Variants in FOCAD observed in about 807,000 individuals in gnomAD.
FOCAD encodes KIAA1797.
Under a neutral mutation model 225.6 loss-of-function variants are expected in FOCAD, and 198 were observed. The observed-to-expected ratio is 0.88, with a 90% CI of 0.78 to 0.99. The LOEUF is 0.99. Among genes scored for constraint, FOCAD ranks in the 50% least tolerant of loss-of-function variants. The probability of loss-of-function intolerance (pLI) is 0.00; values close to 1 mark genes in which losing one functional copy is unlikely to be tolerated. For synonymous variants in FOCAD, 897 were observed against 755.0 expected (o/e 1.19, Z -3.08); for missense variants, 2,713 against 2,123.6 (o/e 1.28, Z -5.46).
chr9:20,773,100 T>C (rs1204968818), intron 8 of FOCAD, among the ~76,000 whole-genome samples: 1 of 152,154 alleles, frequency 6.6e-6, no homozygotes, highest in African/African-American at 2.4e-5. Flanking sequence ...AAAACCCATA[T>C]TTTTCCTGGG....
At chr9:20,898,906 A>T (rs377402861) in intron 21 of FOCAD, among the ~76,000 whole-genome samples, 2 of 151,866 alleles carry the variant, frequency 1.3e-5, no homozygotes, top group African/African-American at 4.8e-5. Context: ...TTAGGTCTCA[A>T]TCTCATAGTG....
chr9:20,772,740 T>C (rs1818361815), intron 8 of FOCAD, among the ~76,000 whole-genome samples: 1 of 151,864 alleles, frequency 6.6e-6, no homozygotes, highest in African/African-American at 2.4e-5. Context: ...AGAGAGTAAA[T>C]GTAGATTTTG....
intron 11 of FOCAD, among the ~76,000 whole-genome samples, chr9:20,799,676 C>G (rs1564005944): frequency 6.6e-6 from 1 of 151,856 alleles, no homozygotes; most frequent in African/African-American, 2.4e-5. Context: ...CAACCCCTGC[C>G]TTTTTTTGTT....
chr9:20,825,144 T>TAC (rs1206222943), intron 15 of FOCAD, among the ~76,000 whole-genome samples: 1 of 121,626 alleles, frequency 8.2e-6, no homozygotes, highest in Non-Finnish European at 1.7e-5. Context: ...TTTCAAGCTT[T>TAC]GCGTGTGTGT....
At chr9:20,753,214 G>T (rs935800540) in intron 5 of FOCAD, among the ~76,000 whole-genome samples, 13 of 151,480 alleles carry the variant, frequency 8.6e-5, no homozygotes, top group Non-Finnish European at 1.9e-4. Context: ...GGAGTGGTGA[G>T]AGAGGGCATC....
chr9:20,868,465 A>C (rs867592721), intron 18 of FOCAD, among the ~76,000 whole-genome samples: 2 of 152,084 alleles, frequency 1.3e-5, no homozygotes, highest in East Asian at 3.9e-4. Flanking sequence ...TCAATTTCCA[A>C]TTATGTTTGC....
At chr9:20,666,785 G>A (rs1011278377) in intron 2 of FOCAD, among the ~76,000 whole-genome samples, 6 of 152,138 alleles carry the variant, frequency 3.9e-5, no homozygotes, top group African/African-American at 9.7e-5. Context: ...AGGTGTCTGC[G>A]AAGAGTTTGA....
chr9:20,952,604 G>A (rs962812735), intron 34 of FOCAD: 3 of 255,866 alleles, frequency 1.2e-5, no homozygotes, highest in African/African-American at 7.1e-5. Flanking sequence ...ACCTACTACA[G>A]TGGTCTCAGC....
At chr9:20,821,341 T>A (rs2131421683) in intron 14 of FOCAD, among the ~76,000 whole-genome samples, 1 of 152,148 alleles carries the variant, frequency 6.6e-6, no homozygotes, top group East Asian at 1.9e-4. Context: ...CAGTAAAACA[T>A]GTGATGTTAT....
intron 22 of FOCAD, among the ~76,000 whole-genome samples, chr9:20,910,380 T>C (rs1833342069): frequency 6.6e-6 from 1 of 152,132 alleles, no homozygotes; most frequent in South Asian, 2.1e-4. Context: ...ACATTTTTCA[T>C]GAATTGGCCA....
At chr9:20,757,008 C>A (rs1829114239) in intron 5 of FOCAD, among the ~76,000 whole-genome samples, 1 of 152,170 alleles carries the variant, frequency 6.6e-6, no homozygotes, top group Non-Finnish European at 1.5e-5. Flanking sequence ...CAGTTCACCG[C>A]AACCTCCGCC....
rs777575367 is a variant in FOCAD at position 20,770,139 on chromosome 9, T to G, written c.807T>G (p.Ser269Arg). ...VFWKIQLTQM[S>R]LQLLCVSEVS... ...GGAAAATTCAGCTTACCCAGATGAG[T>G]CTTCAGCTGCTGTGTGTCAGTGAAG... The change falls in exon 8 of 44, where the codon AGT (serine) becomes AGG (arginine). Residue 269 changes from serine (S) to arginine (R), a missense_variant. Coordinates refer to ENST00000338382, the MANE Select transcript of FOCAD (RefSeq NM_001375567.1). The G allele has an allele frequency of 4.0e-5, 64 of 1,613,894 alleles. No individual in the cohort carries two copies. The highest frequency in any genetic ancestry group is 5.3e-5 in the Non-Finnish European group (62 of 1,179,960).
chr9:20,764,405 C>T (rs1489300528), intron 6 of FOCAD, among the ~76,000 whole-genome samples: 4 of 152,144 alleles, frequency 2.6e-5, no homozygotes, highest in Non-Finnish European at 5.9e-5. Context: ...AGGTGCATGC[C>T]ACCACGCCCA....
At chr9:20,858,409 T>G (rs1161155012) in intron 15 of FOCAD, among the ~76,000 whole-genome samples, 1 of 152,164 alleles carries the variant, frequency 6.6e-6, no homozygotes, top group Non-Finnish European at 1.5e-5. Context: ...AATGATCCTT[T>G]GAATTTTTGT....
intron 28 of FOCAD, 39 bp downstream of exon 28, chr9:20,933,142 C>T: frequency 5.7e-6 from 8 of 1,397,196 alleles, no homozygotes; most frequent in Non-Finnish European, 7.1e-6. Flanking sequence ...GGTACTTAGA[C>T]ATTGCTCCCT....
At position 20,770,229 on chromosome 9, in the gene FOCAD, TCTG is replaced by T. The variant is rs1818061814; in HGVS notation, c.898_900del (p.Leu300del). On this transcript the variant is annotated inframe_deletion, in exon 8 of 44. Coordinates refer to ENST00000338382, the MANE Select transcript of FOCAD (RefSeq NM_001375567.1). ...ACCTTTTAGAGCACAGTGTTGAACT[TCTG>T]AAGGAGGTAAGGATAGTAGTATATT... The T allele has an allele frequency of 1.9e-6, 3 of 1,613,726 alleles. No homozygotes were observed. Among genetic ancestry groups the T allele is most frequent in the Non-Finnish European group, 2.5e-6 (3 of 1,179,730 alleles).
At chr9:20,740,762 C>T (rs1437422597) in intron 5 of FOCAD, among the ~76,000 whole-genome samples, 3 of 152,070 alleles carry the variant, frequency 2.0e-5, no homozygotes, top group African/African-American at 7.2e-5. Flanking sequence ...GTGACTTAGG[C>T]CAAGGTCAGT....
chr9:20,660,631 T>A (rs1025696524), intron 2 of FOCAD, among the ~76,000 whole-genome samples: 1 of 152,088 alleles, frequency 6.6e-6, no homozygotes, highest in African/African-American at 2.4e-5. Flanking sequence ...GTTAGAATGA[T>A]GGAAGGAAGA....
Position 20,786,523 on chromosome 9 carries a change from C to G in FOCAD, c.1198-2828C>G, listed in dbSNP as rs566479825. On this transcript the variant is annotated intron_variant, in intron 10 of 43. Transcript: ENST00000338382. ...GCTTGACTGATGAGTGATTAATATC[C>G]TCTAGCAAAAATCTATCTTACTTTT... Among the ~76,000 whole-genome samples, 20 of 152,184 alleles carry G rather than the reference C, an allele frequency of 1.3e-4. No individual in the cohort carries two copies. In the South Asian group the frequency reaches 4.1e-3, roughly 32 times the overall value.
Sources: allele counts gnomAD v4.1 joint callset (sites outside exome capture counted in the v4.1 genomes callset), GRCh38; gene constraint gnomAD v4.1.1; transcripts MANE v1.5; gene names NCBI Gene and HGNC (gene_info 2026-07-23, HGNC 2026-07-21).